TNXB: variants seen among roughly 807,000 people sequenced by gnomAD.
TNXB encodes the protein tenascin-X.
Under a neutral mutation model 340.5 loss-of-function variants are expected in TNXB, and 183 were observed. That is an observed-to-expected ratio of 0.54 (90% CI 0.48 to 0.61). TNXB has a LOEUF of 0.61. Ranked by LOEUF, TNXB falls within the 20% of genes least tolerant of loss-of-function variation. The probability of loss-of-function intolerance (pLI) is 0.00; values close to 1 mark genes in which losing one functional copy is unlikely to be tolerated. For synonymous variants in TNXB, 2,121 were observed against 2,314.5 expected, an observed-to-expected ratio of 0.92 and a Z score of 2.40; for missense variants, 4,613 against 5,446.4, an observed-to-expected ratio of 0.85 and a Z score of 4.82.
rs1777063710 is a variant in TNXB at position 32,048,668 on chromosome 6, G to A, written c.9758-18C>T. 1 of 1,438,470 alleles carries A rather than the reference G, an allele frequency of 7.0e-7. No homozygotes were observed. Among genetic ancestry groups the A allele is most frequent in the Admixed American group, 2.3e-5 (1 of 42,678 alleles). 89.1% of individuals were successfully genotyped at this position (1,438,470 alleles called of 1,614,324 possible). On this transcript the variant is annotated intron_variant, in intron 28 of 43. Transcript: ENST00000644971. ...CAGGGGCGCTGAAAAGAGCAGAGCAGGCCCATGGGTCAGGAGGCAGGACCC... is the reference window on the plus strand; with the variant it reads ...CAGGGGCGCTGAAAAGAGCAGAGCAAGCCCATGGGTCAGGAGGCAGGACCC...
chr6:32,057,966 C>T (rs1777769593), intron 22 of TNXB, 92 bp downstream of exon 22: 1 of 1,392,168 alleles, frequency 7.2e-7, no homozygotes, highest in Non-Finnish European at 9.7e-7. Flanking sequence ...ACTGTGAGCC[C>T]CATCAAGACA....
chr6:32,107,681 T>C (rs1442015315), intron 1 of TNXB, among the ~76,000 whole-genome samples: 3 of 152,160 alleles, frequency 2.0e-5, no homozygotes, highest in Admixed American at 6.5e-5. Flanking sequence ...TTTTGTGTTG[T>C]AGCCAACTTT....
chr6:32,061,265 C>A lies in TNXB; in HGVS notation c.7492+132G>T. The A allele has an allele frequency of 7.2e-7, 1 of 1,385,654 alleles. No individual in the cohort carries two copies. Among genetic ancestry groups the A allele is most frequent in the Non-Finnish European group, 9.7e-7 (1 of 1,028,142 alleles). The allele number at this position is 1,385,654 out of a possible 1,614,324, so 85.8% of individuals were successfully genotyped here. ...AGCAAACCGCTAGCATAGGCCACAGCCACAGGGCACAGAGGGAGGGCAGGA... is the reference window on the plus strand; with the variant it reads ...AGCAAACCGCTAGCATAGGCCACAGACACAGGGCACAGAGGGAGGGCAGGA... On this transcript the variant is annotated intron_variant, in intron 21 of 43. Transcript: ENST00000644971. The surrounding 1 kb of genome is among the most constrained non-coding windows in gnomAD (Gnocchi z 4.4).
Position 32,050,123 on chromosome 6 carries a change from C to T in TNXB, c.9314G>A (p.Arg3105Gln), listed in dbSNP as rs202113575. The T allele has an allele frequency of 1.9e-3, 3,037 of 1,613,784 alleles. 9 individuals are homozygous for T. Among genetic ancestry groups the T allele is most frequent in the Non-Finnish European group, 2.3e-3 (2,754 of 1,179,890 alleles). Residue 3105 changes from arginine (R) to glutamine (Q), a missense_variant, in exon 27 of 44, where the codon CGG becomes CAG. This residue lies in a region of TNXB where 4,327 missense variants were observed against 4,859.4 expected (regional missense o/e 0.89). Transcript: ENST00000644971. ...GACCCCGTCCTCGTGCCCCGGCACC[C>T]GCACCGCCTTGGGCTGCCCATCCCC... The part of the protein sequence containing the change: ...RNGDGQPKAV[R>Q]VPGHEDGVTI...
rs1199575522 is a variant in TNXB, at chr6:32,047,365, A to C, written c.10324+369T>G. ...ACCCCTCGGCTCCGAGTCAGGGAGG[A>C]GGGAGGAGGATGGGAACCACTACTG... On this transcript the variant is annotated intron_variant, in intron 30 of 43. Transcript: ENST00000644971. This position sits in a 1 kb window ranked among gnomAD's most constrained non-coding sequence, Gnocchi z 6.2. Among the ~76,000 whole-genome samples, 1 of 151,914 alleles carries C rather than the reference A, an allele frequency of 6.6e-6. No individual in the cohort carries two copies.
chr6:32,107,476 G>C (rs1781040710), intron 1 of TNXB, among the ~76,000 whole-genome samples: 1 of 152,116 alleles, frequency 6.6e-6, no homozygotes, highest in Middle Eastern at 3.4e-3. Context: ...TCTTCTCTCG[G>C]TACTGGGCAA....
Position 32,080,402 on chromosome 6 carries a change from C to T in TNXB, c.4042+966G>A, listed in dbSNP as rs1178709309. On this transcript the variant is annotated intron_variant, in intron 10 of 43. Transcript: ENST00000644971. The surrounding 1 kb of genome is among the most constrained non-coding windows in gnomAD (Gnocchi z 4.3). ...ATTTTTTGTATTTTTAGTGGAGACACGGTTTCACCGTGTTAGCCAGGATGG... is the reference window on the plus strand; with the variant it reads ...ATTTTTTGTATTTTTAGTGGAGACATGGTTTCACCGTGTTAGCCAGGATGG... Among the ~76,000 whole-genome samples the T allele has an allele frequency of 2.0e-5, 3 of 152,082 alleles. No homozygotes were observed. Among genetic ancestry groups the T allele is most frequent in the Admixed American group, 6.6e-5 (1 of 15,266 alleles).
In TNXB at chr6:32,061,676, C is replaced by A. The variant is rs1778025612; in HGVS notation, c.7213G>T (p.Ala2405Ser). The A allele has an allele frequency of 6.2e-7, 1 of 1,612,648 alleles. No individual in the cohort carries two copies. Among genetic ancestry groups the A allele is most frequent in the Non-Finnish European group, 8.5e-7 (1 of 1,179,782 alleles). Residue 2405 changes from alanine (A) to serine (S), a missense_variant, in exon 21 of 44, where the codon GCC becomes TCC. By Grantham distance (99) the Ala-to-Ser change is moderately conservative (BLOSUM62 1). Around this residue, in one of 7 missense-constraint regions of TNXB, gnomAD observed 4,327 missense variants for 4,859.4 expected, o/e 0.89. Transcript: ENST00000644971. This position sits in a 1 kb window ranked among gnomAD's most constrained non-coding sequence, Gnocchi z 4.4. ...AGCGGCTCCTCAGGGGGCTCCGGGG[C>A]CTCCATGCTGGGTTCTGTGGGGCTG... ...TPSPTEPSME[A>S]PEPPEEPLLG...
chr6:32,058,425 G>A lies in TNXB; in HGVS notation c.7493-35C>T, dbSNP rs1777814835. 6.7e-7 allele frequency: 1 copy of A among 1,498,436 alleles called. No individual in the cohort carries two copies. Among genetic ancestry groups the A allele is most frequent in the Non-Finnish European group, 9.0e-7 (1 of 1,114,534 alleles). 92.8% of individuals were successfully genotyped at this position (1,498,436 alleles called of 1,614,324 possible). On this transcript the variant is annotated intron_variant, in intron 21 of 43. Coordinates refer to ENST00000644971, the MANE Select transcript of TNXB (RefSeq NM_001365276.2). This position sits in a 1 kb window ranked among gnomAD's most constrained non-coding sequence, Gnocchi z 5.1. ...AATATAGGGGGATACAGAGTTTAAG[G>A]GTTTAAGGGCAACTTGCTTTGCTGG...
At chr6:32,106,555 G>C (rs1032995210) in intron 1 of TNXB, among the ~76,000 whole-genome samples, 2 of 152,122 alleles carry the variant, frequency 1.3e-5, no homozygotes, top group Non-Finnish European at 2.9e-5. Flanking sequence ...CTTTTCTCCT[G>C]GATCAGAGAA....
Position 32,088,980 on chromosome 6 carries a change from G to A in TNXB, c.2584C>T (p.Arg862Cys), listed in dbSNP as rs570806090. Residue 862 changes from arginine (R) to cysteine (C), a missense_variant, in exon 6 of 44, where the codon CGT becomes TGT. By Grantham distance (180) the Arg-to-Cys change is radical. Around this residue, in one of 7 missense-constraint regions of TNXB, gnomAD observed 4,327 missense variants for 4,859.4 expected, o/e 0.89. Coordinates refer to ENST00000644971, the MANE Select transcript of TNXB (RefSeq NM_001365276.2). ...AATCGGTCCACCTCAGCCTGGGGACGCAGCCAGCCAAGCTCCAGTGTTGTC... is the reference window on the plus strand; with the variant it reads ...AATCGGTCCACCTCAGCCTGGGGACACAGCCAGCCAAGCTCCAGTGTTGTC... ...TPTTLELGWL[R>C]PQAEVDRFVV... 69 of 1,610,854 alleles carry A rather than the reference G, an allele frequency of 4.3e-5. No individual in the cohort carries two copies. The highest frequency in any genetic ancestry group is 4.4e-5 in the South Asian group (4 of 90,394).
At position 32,042,764 on chromosome 6, in the gene TNXB, T is replaced by C; in HGVS notation, c.11993A>G (p.Asn3998Ser). 1.4e-6 allele frequency: 1 copy of C among 706,950 alleles called. No homozygotes were observed. Among genetic ancestry groups the C allele is most frequent in the Non-Finnish European group, 2.3e-6 (1 of 428,218 alleles). The allele number at this position is 706,950 out of a possible 1,614,324, so 43.8% of individuals were successfully genotyped here. A position where few individuals can be genotyped will look rare whatever the true frequency, so the allele number is the denominator to read the frequency against. The change falls in exon 39 of 44, where the codon AAT (asparagine) becomes AGT (serine). Residue 3998 changes from asparagine (N) to serine (S), a missense_variant. Transcript: ENST00000644971. Reference protein sequence around the residue: ...LLGLFPSTSYNARLQAMWGQS... With the variant: ...LLGLFPSTSYSARLQAMWGQS... ...GCCCCACATGGCCTGGAGCCGTGCA[T>C]TGTAGGAGGTGGAGGGAAAGAGGCC... is the stretch of plus-strand genomic sequence containing the variant.
chr6:32,061,753 G>A lies in TNXB; in HGVS notation c.7169-33C>T. ...AAAGGGACACAGAGAGGATGGCAGG[G>A]TCCCTGGGGGATGTGCTTACGTCGT... is the stretch of plus-strand genomic sequence containing the variant. On this transcript the variant is annotated intron_variant, in intron 20 of 43. Coordinates refer to ENST00000644971, the MANE Select transcript of TNXB (RefSeq NM_001365276.2). The surrounding 1 kb of genome is among the most constrained non-coding windows in gnomAD (Gnocchi z 4.4). The A allele has an allele frequency of 6.2e-7, 1 of 1,600,754 alleles. No individual in the cohort carries two copies. Among genetic ancestry groups the A allele is most frequent in the Non-Finnish European group, 8.5e-7 (1 of 1,171,632 alleles).
At chr6:32,104,758 C>T (rs924342034) in intron 1 of TNXB, among the ~76,000 whole-genome samples, 1 of 152,146 alleles carries the variant, frequency 6.6e-6, no homozygotes, top group African/African-American at 2.4e-5. Flanking sequence ...ACCTCAGCCT[C>T]CTGAGTAGTT....
chr6:32,048,349 C>CA lies in TNXB; in HGVS notation c.10045+13dup. 6.8e-7 allele frequency: 1 copy of CA among 1,477,310 alleles called. No individual in the cohort carries two copies. The highest frequency in any genetic ancestry group is 1.5e-5 in the South Asian group (1 of 66,114). The allele number at this position is 1,477,310 out of a possible 1,614,324, so 91.5% of individuals were successfully genotyped here. On this transcript the variant is annotated intron_variant, in intron 29 of 43. Transcript: ENST00000644971. ...GAAGGCTCTGGCCGCGGGAGGCCTC[C>CA]AGCCCTCACTCACCGGTCCTGGCCT...
intron 24 of TNXB, among the ~76,000 whole-genome samples, 164 bp downstream of exon 24, chr6:32,055,687 T>C (rs1777579617): frequency 6.6e-6 from 1 of 152,264 alleles, no homozygotes; most frequent in Admixed American, 6.5e-5. Flanking sequence ...GCAGAATCTC[T>C]GGCCCTAGCC....
chr6:32,088,975 G>A lies in TNXB; in HGVS notation c.2589C>T (p.Pro863=), dbSNP rs1226619179. Reference sequence around the variant, plus strand: ...CCACAAATCGGTCCACCTCAGCCTGGGGACGCAGCCAGCCAAGCTCCAGTG... The same window carrying A: ...CCACAAATCGGTCCACCTCAGCCTGAGGACGCAGCCAGCCAAGCTCCAGTG... ...PTTLELGWLR[P]QAEVDRFVVS... is the part of the protein sequence containing the mutation. The change falls in exon 6 of 44, where the codon CCC becomes CCT. Residue 863 remains proline (P), a synonymous_variant. Coordinates refer to ENST00000644971, the MANE Select transcript of TNXB (RefSeq NM_001365276.2). The A allele has an allele frequency of 2.5e-6, 4 of 1,610,958 alleles. No individual in the cohort carries two copies. Among genetic ancestry groups the A allele is most frequent in the East Asian group, 4.5e-5 (2 of 44,832 alleles).
Position 32,072,376 on chromosome 6 carries a change from C to T in TNXB, c.4682-78G>A, listed in dbSNP as rs1303543195. 4.8e-6 allele frequency: 6 copies of T among 1,259,252 alleles called. No homozygotes were observed. The highest frequency in any genetic ancestry group is 2.4e-5 in the East Asian group (1 of 41,410). The allele number at this position is 1,259,252 out of a possible 1,614,324, so 78.0% of individuals were successfully genotyped here. ...CTGGGCTTTGAGGGCCTCAGGGGGG[C>T]TGTGAACTGAGATGGGGAATAGTTA... On this transcript the variant is annotated intron_variant, in intron 12 of 43. Transcript: ENST00000644971. This position sits in a 1 kb window ranked among gnomAD's most constrained non-coding sequence, Gnocchi z 4.4.
chr6:32,046,291 G>C lies in TNXB; in HGVS notation c.10490C>G (p.Ala3497Gly), dbSNP rs1358540052. The change falls in exon 31 of 44, where the codon GCA (alanine) becomes GGA (glycine). Residue 3497 changes from alanine (A) to glycine (G), a missense_variant. Coordinates refer to ENST00000644971, the MANE Select transcript of TNXB (RefSeq NM_001365276.2). The surrounding 1 kb of genome is among the most constrained non-coding windows in gnomAD (Gnocchi z 6.9). ...DGQPRAVPVAADQRTVTVEDL... is the reference protein window; with the variant it reads ...DGQPRAVPVAGDQRTVTVEDL... The stretch of plus-strand genomic sequence containing the variant: ...CTCTACGGTGACTGTGCGCTGGTCT[G>C]CGGCCACAGGCACTGCCCTGGGCTG... 1 of 1,606,682 alleles carries C rather than the reference G, an allele frequency of 6.2e-7. No individual in the cohort carries two copies. The highest frequency in any genetic ancestry group is 2.2e-5 in the East Asian group (1 of 44,886).
Sources: allele counts gnomAD v4.1 joint callset (sites outside exome capture counted in the v4.1 genomes callset), GRCh38; gene constraint gnomAD v4.1.1; regional missense constraint gnomAD v4.1.1; non-coding constraint Gnocchi (gnomAD v3.1); transcripts MANE v1.5; gene names NCBI Gene and HGNC (gene_info 2026-07-23, HGNC 2026-07-21).